The following SLC25A38 variants were observed in gnomAD, a reference collection of about 807,000 sequenced individuals.
The protein encoded by SLC25A38 is mitochondrial glycine transporter.
SLC25A38 carries 27 observed loss-of-function variants against 33.4 expected under a neutral mutation model. That is an observed-to-expected ratio of 0.81 (90% CI 0.60 to 1.11). SLC25A38 has a LOEUF of 1.11. SLC25A38 is among the 50% of genes most tolerant of loss of function. The probability of loss-of-function intolerance (pLI) is 0.00; values close to 1 mark genes in which losing one functional copy is unlikely to be tolerated. For missense variants in SLC25A38, 344 were observed against 388.8 expected (o/e 0.88, Z 0.97); for synonymous variants, 123 against 145.9 (o/e 0.84, Z 1.13).
chr3:39,393,845 C>T (rs1033958012), intron 5 of SLC25A38, among the ~76,000 whole-genome samples: 13 of 152,170 alleles, frequency 8.5e-5, no homozygotes, highest in African/African-American at 2.7e-4. Flanking sequence ...TAATGTACTT[C>T]GTAGTAGTCC....
chr3:39,384,467 G>C (rs553799553), intron 1 of SLC25A38: 2 of 383,048 alleles, frequency 5.2e-6, no homozygotes, highest in South Asian at 1.4e-4. Context: ...AGCTGCCGCA[G>C]CTCTCCCTCT....
chr3:39,385,038 G>A (rs534930022), intron 1 of SLC25A38, among the ~76,000 whole-genome samples: 2 of 152,240 alleles, frequency 1.3e-5, no homozygotes, highest in South Asian at 2.1e-4. Flanking sequence ...CTGACCTCAA[G>A]TGATCCGTCT....
intron 6 of SLC25A38, 95 bp downstream of exon 6, chr3:39,394,671 G>A: frequency 6.8e-7 from 1 of 1,466,808 alleles, no homozygotes; most frequent in South Asian, 1.2e-5. Context: ...AAATTGCCTA[G>A]AGAGCTTTTA....
intron 6 of SLC25A38, 140 bp from the exon 7 acceptor site, chr3:39,396,258 C>T (rs558368903): frequency 1.4e-6 from 2 of 1,385,430 alleles, no homozygotes; most frequent in Admixed American, 3.4e-5. Flanking sequence ...TCCTTGGACC[C>T]ATTATTCTTA....
At chr3:39,395,194 G>A (rs1159437877) in intron 6 of SLC25A38, among the ~76,000 whole-genome samples, 3 of 152,186 alleles carry the variant, frequency 2.0e-5, no homozygotes, top group Non-Finnish European at 4.4e-5. Context: ...ATTCAAAGCT[G>A]TCCTGGGCCA....
rs1387758078 is a variant in SLC25A38, at chr3:39,396,418, C to A, written c.813C>A (p.Phe271Leu). 9 of 1,613,990 alleles carry A rather than the reference C, an allele frequency of 5.6e-6. No homozygotes were observed. Among genetic ancestry groups the A allele is most frequent in the Non-Finnish European group, 7.6e-6 (9 of 1,180,038 alleles). Residue 271 changes from phenylalanine to leucine, a missense_variant, in exon 7 of 7, where the codon TTC (phenylalanine) becomes TTA (leucine). Phe to Leu is a conservative substitution (Grantham distance 22, BLOSUM62 0). This residue lies in a region of SLC25A38 where 75 missense variants were observed against 117.0 expected (regional missense o/e 0.64). Coordinates refer to ENST00000650617, the MANE Select transcript of SLC25A38 (RefSeq NM_017875.4). ...CATAGGACTATGGACTACGTGGCTTCTTCCAAGGTGGCATCCCCCGAGCCC... is the reference window on the plus strand; with the variant it reads ...CATAGGACTATGGACTACGTGGCTTATTCCAAGGTGGCATCCCCCGAGCCC... ...LIFKDYGLRG[F>L]FQGGIPRALR...
chr3:39,389,626 G>A lies in SLC25A38; in HGVS notation c.191+10G>A. ...AGCCCTCAGATCATGGGTAGGCCCT[G>A]CATTTCATTGGGGAACTGATTTCAG... On this transcript the variant is annotated intron_variant, in intron 2 of 6. Coordinates refer to ENST00000650617, the MANE Select transcript of SLC25A38 (RefSeq NM_017875.4). The surrounding 1 kb of genome is among the most constrained non-coding windows in gnomAD (Gnocchi z 4.5). 1 of 1,614,158 alleles carries A rather than the reference G, an allele frequency of 6.2e-7. No homozygotes were observed. Among genetic ancestry groups the A allele is most frequent in the Non-Finnish European group, 8.5e-7 (1 of 1,180,038 alleles).
At chr3:39,392,089 G>A in intron 5 of SLC25A38, 68 bp downstream of exon 5, 1 of 1,585,232 alleles carries the variant, frequency 6.3e-7, no homozygotes, top group Non-Finnish European at 8.7e-7. Context: ...TTTTCTCTGG[G>A]ATATGAGACT....
chr3:39,393,930 AT>A (rs1440189980), intron 5 of SLC25A38, among the ~76,000 whole-genome samples: 4 of 152,166 alleles, frequency 2.6e-5, no homozygotes, highest in Non-Finnish European at 5.9e-5. Context: ...TCATGATTAG[AT>A]TTTTAGCAAG....
At position 39,396,564 on chromosome 3, in the gene SLC25A38, GT is replaced by G. The variant is rs1559394865; in HGVS notation, c.*47del. The G allele has an allele frequency of 2.5e-6, 4 of 1,613,438 alleles. No homozygotes were observed. Among genetic ancestry groups the G allele is most frequent in the Non-Finnish European group, 3.4e-6 (4 of 1,179,932 alleles). ...CGGGTGAAATCTGTTGCCCTGCTTG[GT>G]TTCTGCCAAGGGCTGCTGCTTCTTA... On this transcript the variant is annotated 3_prime_UTR_variant, in exon 7 of 7. Coordinates refer to ENST00000650617, the MANE Select transcript of SLC25A38 (RefSeq NM_017875.4).
chr3:39,396,223 AT>A (rs901344070), intron 6 of SLC25A38, among the ~76,000 whole-genome samples, 174 bp from the exon 7 acceptor site: 21 of 150,804 alleles, frequency 1.4e-4, no homozygotes, highest in Admixed American at 5.3e-4. Context: ...AAAAAAAAAA[AT>A]TTTTTTTAAG....
intron 5 of SLC25A38, among the ~76,000 whole-genome samples, chr3:39,392,298 G>T (rs997908433): frequency 1.3e-5 from 2 of 152,044 alleles, no homozygotes; most frequent in Non-Finnish European, 2.9e-5. Flanking sequence ...ATGCTTTGCA[G>T]AGTTTCTGCA....
chr3:39,389,389 G>C lies in SLC25A38; in HGVS notation c.70-106G>C. ...ATGAAGAAAACATGAGGCACCACCA[G>C]GTAAGTGTCTAAGAGACCATTATAA... On this transcript the variant is annotated intron_variant, in intron 1 of 6. Coordinates refer to ENST00000650617, the MANE Select transcript of SLC25A38 (RefSeq NM_017875.4). The surrounding 1 kb of genome is among the most constrained non-coding windows in gnomAD (Gnocchi z 4.5). The C allele has an allele frequency of 1.9e-6, 3 of 1,567,102 alleles. No individual in the cohort carries two copies. The highest frequency in any genetic ancestry group is 2.6e-6 in the Non-Finnish European group (3 of 1,140,324).
chr3:39,387,969 T>TG (rs1380416454), intron 1 of SLC25A38: 8 of 152,308 alleles, frequency 5.3e-5, no homozygotes, highest in Admixed American at 6.6e-5. Context: ...GATAGCAAAC[T>TG]GGGGGGGCCT....
chr3:39,390,422 G>T lies in SLC25A38; in HGVS notation c.192-1G>T. 1 of 1,614,180 alleles carries T rather than the reference G, an allele frequency of 6.2e-7. No homozygotes were observed. The highest frequency in any genetic ancestry group is 1.1e-5 in the South Asian group (1 of 91,084). ...CCTGTCTCCATTTTGTCTGCTTTCA[G>T]GTCTAGACGTGTTGGGATGTTGGCT... On this transcript the variant is annotated splice_acceptor_variant, in intron 2 of 6. Transcript: ENST00000650617. LOFTEE classifies it high-confidence loss of function.
intron 3 of SLC25A38, among the ~76,000 whole-genome samples, chr3:39,390,968 A>G (rs1039999417): frequency 6.6e-6 from 1 of 152,234 alleles, no homozygotes; most frequent in South Asian, 2.1e-4. Flanking sequence ...TTTCAAGAGT[A>G]TAGGCCAGTT....
intron 1 of SLC25A38, among the ~76,000 whole-genome samples, chr3:39,384,027 G>A (rs1342090611): frequency 6.6e-6 from 1 of 152,208 alleles, no homozygotes. Context: ...CCGATGTCCC[G>A]GTAAAGGGCG....
At position 39,383,419 on chromosome 3, in the gene SLC25A38, C is replaced by T. The variant is rs1346099069; in HGVS notation, c.-306C>T. 4.7e-6 allele frequency: 2 copies of T among 425,776 alleles called. No individual in the cohort carries two copies. The highest frequency in any genetic ancestry group is 2.0e-5 in the African/African-American group (1 of 49,570). The allele number at this position is 425,776 out of a possible 1,614,324, so 26.4% of individuals were successfully genotyped here. A position where few individuals can be genotyped will look rare whatever the true frequency, so the allele number is the denominator to read the frequency against. On this transcript the variant is annotated 5_prime_UTR_variant, in exon 1 of 7. Coordinates refer to ENST00000650617, the MANE Select transcript of SLC25A38 (RefSeq NM_017875.4). ...CCCCGGGATACACAGAACCTCATCT[C>T]CTACGGTGCTGAAGCCTGCAGCAGG...
chr3:39,393,293 C>T (rs1161944190), intron 5 of SLC25A38, among the ~76,000 whole-genome samples: 2 of 139,344 alleles, frequency 1.4e-5, no homozygotes, highest in African/African-American at 2.6e-5. Context: ...GACTCCGTCT[C>T]AAAAAAAAAA....
Sources: allele counts gnomAD v4.1 joint callset (sites outside exome capture counted in the v4.1 genomes callset), GRCh38; gene constraint gnomAD v4.1.1; regional missense constraint gnomAD v4.1.1; non-coding constraint Gnocchi (gnomAD v3.1); transcripts MANE v1.5; gene names NCBI Gene and HGNC (gene_info 2026-07-23, HGNC 2026-07-21).